CLASP2: variants seen among roughly 807,000 people sequenced by gnomAD.
CLASP2 encodes CLIP-associating protein 2.
In CLASP2, 47 loss-of-function variants were observed where a neutral mutation model predicts 194.4. The ratio of observed to expected loss-of-function variants is 0.24; its 90% CI spans 0.19 to 0.31. The LOEUF is 0.31. CLASP2 is among the 10% of genes least tolerant of loss of function. The pLI, the probability that CLASP2 is intolerant of heterozygous loss-of-function variation, is 1.00. For synonymous variants in CLASP2, 619 were observed against 633.5 expected, an observed-to-expected ratio of 0.98 and a Z score of 0.34; for missense variants, 1,445 against 1,823.6, an observed-to-expected ratio of 0.79 and a Z score of 3.78.
chr3:33,524,698 A>C (rs887924588), intron 34 of CLASP2, among the ~76,000 whole-genome samples: 1 of 152,282 alleles, frequency 6.6e-6, no homozygotes, highest in Non-Finnish European at 1.5e-5. Flanking sequence ...AATAGACCTT[A>C]AGTGAAAAAC....
rs1259112088 is a variant in CLASP2, at chr3:33,676,999, A to G, written c.644+7360T>C. On this transcript the variant is annotated intron_variant, in intron 6 of 38. Transcript: ENST00000682230. ...CAGAGAAATGCAAATCAAAACTACA[A>G]TGAGATATCATCTCACACCAGTTAG... Among the ~76,000 whole-genome samples the G allele has an allele frequency of 2.0e-5, 3 of 152,322 alleles. No individual in the cohort carries two copies. In the South Asian group the frequency reaches 6.2e-4, roughly 32 times the overall value.
intron 6 of CLASP2, among the ~76,000 whole-genome samples, chr3:33,677,379 A>G (rs1302170303): frequency 6.6e-6 from 1 of 151,780 alleles, no homozygotes; most frequent in Non-Finnish European, 1.5e-5. Context: ...CAGCCATAAA[A>G]AATGATGAGT....
intron 34 of CLASP2, among the ~76,000 whole-genome samples, chr3:33,534,181 A>G (rs2056888981): frequency 6.6e-6 from 1 of 152,220 alleles, no homozygotes; most frequent in African/African-American, 2.4e-5. Flanking sequence ...TTATCTGTGT[A>G]TAGTTATATA....
intron 32 of CLASP2, among the ~76,000 whole-genome samples, chr3:33,541,064 A>G (rs1289914884): frequency 1.3e-5 from 2 of 152,132 alleles, no homozygotes; most frequent in Admixed American, 1.3e-4. Flanking sequence ...TGAATGAATT[A>G]TTGTGGAAGA....
At position 33,689,659 on chromosome 3, in the gene CLASP2, G is replaced by C. The variant is rs78969898; in HGVS notation, c.378+170C>G. The C allele has an allele frequency of 1.4e-3, 650 of 456,414 alleles. 3 individuals are homozygous for C. In the East Asian group the frequency reaches 0.021, roughly 15 times the overall value. 28.3% of individuals were successfully genotyped at this position (456,414 alleles called of 1,614,324 possible). A position where few individuals can be genotyped will look rare whatever the true frequency, so the allele number is the denominator to read the frequency against. On this transcript the variant is annotated intron_variant, in intron 3 of 38. Transcript: ENST00000682230. ...CATTAAGAGTACAAAATAAGAATCA[G>C]AAGCAAAAAACCAGAAAGTCAAACA...
At chr3:33,550,392 CA>C (rs555351261) in intron 30 of CLASP2, among the ~76,000 whole-genome samples, 2,027 of 51,634 alleles carry the variant, frequency 0.039, 30 homozygotes, top group African/African-American at 0.12. Context: ...GAGACTGCCT[CA>C]AAAAAAAAAA....
At chr3:33,649,369 T>A (rs2082802884) in intron 7 of CLASP2, among the ~76,000 whole-genome samples, 1 of 152,220 alleles carries the variant, frequency 6.6e-6, no homozygotes, top group Non-Finnish European at 1.5e-5. Flanking sequence ...AGCTGTGGGA[T>A]TAAAAACTTT....
At chr3:33,696,497 GCTCTGTCA>G (rs1559666882) in intron 2 of CLASP2, among the ~76,000 whole-genome samples, 1 of 140,832 alleles carries the variant, frequency 7.1e-6, no homozygotes, top group East Asian at 2.1e-4. Flanking sequence ...ACAGAGTCTT[GCTCTGTCA>G]CCCAGGCTGG....
intron 1 of CLASP2, among the ~76,000 whole-genome samples, chr3:33,716,053 G>A (rs2093282659): frequency 6.6e-6 from 1 of 152,098 alleles, no homozygotes; most frequent in Non-Finnish European, 1.5e-5. Flanking sequence ...TAAGCAAGAA[G>A]GCATGGAATC....
At chr3:33,662,817 A>C (rs111870609) in intron 7 of CLASP2, among the ~76,000 whole-genome samples, 6,835 of 152,230 alleles carry the variant, frequency 0.045, 371 homozygotes, top group African/African-American at 0.13. Flanking sequence ...TAAAGTCTCA[A>C]GTGTAGGTAA....
At chr3:33,586,453 T>G (rs1055559660) in intron 21 of CLASP2, among the ~76,000 whole-genome samples, 2 of 152,062 alleles carry the variant, frequency 1.3e-5, no homozygotes, top group African/African-American at 4.8e-5. Flanking sequence ...TGAGTAATTT[T>G]CAGTTTTGGA....
intron 27 of CLASP2, among the ~76,000 whole-genome samples, chr3:33,563,324 T>C (rs1316316731): frequency 6.6e-6 from 1 of 152,008 alleles, no homozygotes; most frequent in Admixed American, 6.6e-5. Flanking sequence ...CTTTTGCATG[T>C]CTTCATCCTG....
intron 9 of CLASP2, among the ~76,000 whole-genome samples, chr3:33,629,290 C>G (rs2154290554): frequency 6.6e-6 from 1 of 152,172 alleles, no homozygotes; most frequent in African/African-American, 2.4e-5. Flanking sequence ...AGAGCTTGAA[C>G]CTACATGAGA....
chr3:33,632,207 G>C (rs1468575261), intron 9 of CLASP2, 85 bp downstream of exon 9: 3 of 811,348 alleles, frequency 3.7e-6, no homozygotes, highest in Non-Finnish European at 5.5e-6. Flanking sequence ...AAGGAAAAAA[G>C]AATTCTTAAA....
At chr3:33,548,853 G>A (rs893652979) in intron 30 of CLASP2, among the ~76,000 whole-genome samples, 37 of 136,046 alleles carry the variant, frequency 2.7e-4, no homozygotes, top group African/African-American at 9.8e-4. Context: ...CTGCACCCTT[G>A]AACTCCTTGG....
chr3:33,531,015 T>C (rs752442868), intron 34 of CLASP2, among the ~76,000 whole-genome samples: 18 of 152,092 alleles, frequency 1.2e-4, no homozygotes, highest in Non-Finnish European at 2.6e-4. Flanking sequence ...TGACAGCAAA[T>C]AGTCACAACA....
chr3:33,644,550 T>C (rs1185647959), intron 8 of CLASP2: 2 of 614,664 alleles, frequency 3.3e-6, no homozygotes, highest in Non-Finnish European at 5.8e-6. Context: ...AAGAGACTAA[T>C]TCACATACAT....
chr3:33,515,346 G>A (rs546246022), intron 36 of CLASP2, among the ~76,000 whole-genome samples: 5 of 152,200 alleles, frequency 3.3e-5, no homozygotes, highest in Admixed American at 2.6e-4. Context: ...TATGAAACAG[G>A]TTCACGGAAC....
At chr3:33,597,897 C>T (rs1350048553) in intron 18 of CLASP2, among the ~76,000 whole-genome samples, 2 of 151,954 alleles carry the variant, frequency 1.3e-5, no homozygotes, top group Non-Finnish European at 2.9e-5. Flanking sequence ...GGACTAGAGG[C>T]ATGTGCCACC....
Sources: gnomAD v4.1 joint callset for allele counts (sites outside exome capture counted in the v4.1 genomes callset) on GRCh38, gnomAD v4.1.1 for gene constraint, MANE v1.5 for transcripts, NCBI Gene and HGNC (gene_info 2026-07-23, HGNC 2026-07-21) for gene names.